Variants in SLC9A9 observed in about 807,000 individuals in gnomAD.
SLC9A9 encodes the protein solute carrier family 9 member A9.
SLC9A9 carries 62 observed loss-of-function variants against 77.8 expected under a neutral mutation model. The observed-to-expected ratio is 0.80, with a 90% CI of 0.65 to 0.98. The LOEUF is 0.98. SLC9A9 is among the 50% of genes least tolerant of loss of function. The pLI is 0.00. For missense variants in SLC9A9, 775 were observed against 774.9 expected (o/e 1.00, Z 0.00); for synonymous variants, 320 against 283.5 (o/e 1.13, Z -1.29).
chr3:143,817,234 C>T (rs1268807826), intron 2 of SLC9A9, among the ~76,000 whole-genome samples: 3 of 150,696 alleles, frequency 2.0e-5, no homozygotes, highest in South Asian at 2.1e-4. Flanking sequence ...CTGCAAGCTC[C>T]GCTTCCCAGG....
At chr3:143,450,059 A>C (rs1350947876) in intron 12 of SLC9A9, among the ~76,000 whole-genome samples, 3 of 39,048 alleles carry the variant, frequency 7.7e-5, no homozygotes, top group Admixed American at 4.1e-4. Context: ...ACACACATAT[A>C]TAATATGTAT....
At chr3:143,707,464 A>G (rs887193985) in intron 4 of SLC9A9, among the ~76,000 whole-genome samples, 10 of 152,156 alleles carry the variant, frequency 6.6e-5, no homozygotes, top group African/African-American at 2.4e-4. Flanking sequence ...AGTGATAGAA[A>G]TTAGATTTAA....
At chr3:143,687,067 A>C (rs779245429) in intron 5 of SLC9A9, among the ~76,000 whole-genome samples, 45 of 149,812 alleles carry the variant, frequency 3.0e-4, no homozygotes, top group Non-Finnish European at 5.6e-4. Context: ...CATCATCAGC[A>C]AGATCTTCAT....
intron 12 of SLC9A9, among the ~76,000 whole-genome samples, chr3:143,396,478 G>A (rs888651396): frequency 3.9e-5 from 6 of 152,260 alleles, no homozygotes; most frequent in South Asian, 2.1e-4. Flanking sequence ...AGCATTAGGA[G>A]ATATACCTAA....
chr3:143,685,956 A>G (rs1048807286), intron 5 of SLC9A9, among the ~76,000 whole-genome samples: 10 of 152,300 alleles, frequency 6.6e-5, no homozygotes, highest in Admixed American at 1.3e-4. Context: ...AGTTAAATAT[A>G]TCTTCTTTGG....
At chr3:143,339,716 A>C (rs1288012940) in intron 14 of SLC9A9, among the ~76,000 whole-genome samples, 2 of 152,162 alleles carry the variant, frequency 1.3e-5, no homozygotes, top group Non-Finnish European at 2.9e-5. Context: ...ACTCTGGAAT[A>C]CTCAATAATC....
intron 12 of SLC9A9, among the ~76,000 whole-genome samples, chr3:143,445,895 C>T (rs758710351): frequency 1.6e-4 from 24 of 152,152 alleles, no homozygotes; most frequent in Non-Finnish European, 2.5e-4. Flanking sequence ...GACTTAGCAA[C>T]GCTGAGGGGA....
chr3:143,565,200 C>A (rs150502999), intron 8 of SLC9A9, among the ~76,000 whole-genome samples: 6 of 152,118 alleles, frequency 3.9e-5, no homozygotes, highest in Admixed American at 6.6e-5. Flanking sequence ...CTCCTTTTGG[C>A]GCATGTATTC....
chr3:143,711,821 G>T (rs993126076), intron 4 of SLC9A9, among the ~76,000 whole-genome samples: 3 of 152,144 alleles, frequency 2.0e-5, no homozygotes, highest in Non-Finnish European at 2.9e-5. Flanking sequence ...TATCCGTTAA[G>T]GAAGGTAATT....
intron 12 of SLC9A9, among the ~76,000 whole-genome samples, chr3:143,391,452 C>T (rs545670360): frequency 1.2e-4 from 18 of 152,296 alleles, no homozygotes; most frequent in African/African-American, 3.6e-4. Context: ...CCCATCTGTA[C>T]GTCACCATCA....
chr3:143,634,427 T>C (rs1252103598), intron 6 of SLC9A9, among the ~76,000 whole-genome samples: 4 of 152,204 alleles, frequency 2.6e-5, no homozygotes, highest in African/African-American at 9.6e-5. Context: ...ATGCGTCTTC[T>C]ATGTATTTAA....
chr3:143,340,969 CTT>C (rs980006597), intron 14 of SLC9A9, among the ~76,000 whole-genome samples: 2 of 152,206 alleles, frequency 1.3e-5, no homozygotes, highest in African/African-American at 4.8e-5. Context: ...AACTTTATCA[CTT>C]TTGCTGGTAG....
chr3:143,372,480 T>A (rs2033079449), intron 13 of SLC9A9, among the ~76,000 whole-genome samples: 1 of 151,888 alleles, frequency 6.6e-6, no homozygotes. Context: ...GAAGATGGAT[T>A]AAAGACATAA....
intron 14 of SLC9A9, among the ~76,000 whole-genome samples, chr3:143,305,608 A>G (rs2030745840): frequency 6.6e-6 from 1 of 152,192 alleles, no homozygotes; most frequent in South Asian, 2.1e-4. Context: ...ACAGGAAGAG[A>G]GAGTCTACAG....
intron 6 of SLC9A9, among the ~76,000 whole-genome samples, chr3:143,607,700 T>A (rs2037951272): frequency 6.6e-6 from 1 of 151,600 alleles, no homozygotes; most frequent in Non-Finnish European, 1.5e-5. Flanking sequence ...CATAGAGAAT[T>A]CAATAATCAA....
chr3:143,653,788 A>G (rs139790524), intron 5 of SLC9A9, among the ~76,000 whole-genome samples: 5 of 152,264 alleles, frequency 3.3e-5, no homozygotes, highest in African/African-American at 4.8e-5. Flanking sequence ...TCATGCTCCC[A>G]AACTCTTACA....
chr3:143,488,507 T>TTG (rs2035688962), intron 11 of SLC9A9, among the ~76,000 whole-genome samples: 3 of 151,898 alleles, frequency 2.0e-5, no homozygotes, highest in Non-Finnish European at 4.4e-5. Context: ...AACAAAAAAC[T>TTG]AGCAAATTGA....
At chr3:143,512,152 A>T (rs1301852411) in intron 9 of SLC9A9, among the ~76,000 whole-genome samples, 1 of 152,256 alleles carries the variant, frequency 6.6e-6, no homozygotes, top group Non-Finnish European at 1.5e-5. Flanking sequence ...ATATCTGCTG[A>T]ATGAATAAAA....
At chr3:143,625,966 G>A (rs1313897371) in intron 6 of SLC9A9, among the ~76,000 whole-genome samples, 1 of 152,198 alleles carries the variant, frequency 6.6e-6, no homozygotes, top group Non-Finnish European at 1.5e-5. Context: ...GATATGAACA[G>A]ACACTTCTCA....
Sources: allele counts gnomAD v4.1 joint callset (sites outside exome capture counted in the v4.1 genomes callset), GRCh38; gene constraint gnomAD v4.1.1; transcripts MANE v1.5; gene names NCBI Gene and HGNC (gene_info 2026-07-23, HGNC 2026-07-21).